Variants in DYM observed in about 807,000 individuals in gnomAD.
The protein encoded by DYM is dymeclin, also known as dyggve-Melchior-Clausen syndrome protein.
In DYM, 78 loss-of-function variants were observed where a neutral mutation model predicts 93.1. That is an observed-to-expected ratio of 0.84 (90% confidence interval 0.70 to 1.01). The LOEUF is 1.01. Ranked by LOEUF, DYM falls within the 50% of genes least tolerant of loss-of-function variation. DYM has a pLI of 0.00. For missense variants in DYM, 789 were observed against 845.0 expected (o/e 0.93, Z 0.82); for synonymous variants, 321 against 319.7 (o/e 1.00, Z -0.04).
chr18:49,113,446 C>T (rs998614474), intron 16 of DYM, among the ~76,000 whole-genome samples: 1 of 152,202 alleles, frequency 6.6e-6, no homozygotes, highest in Non-Finnish European at 1.5e-5. Context: ...AAAATGTAGG[C>T]ACTTGAAAAA....
At chr18:49,424,318 G>T (rs2074040489) in intron 2 of DYM, among the ~76,000 whole-genome samples, 1 of 152,072 alleles carries the variant, frequency 6.6e-6, no homozygotes, top group Non-Finnish European at 1.5e-5. Flanking sequence ...CTCAATAGAT[G>T]CAGAAAAGGC....
chr18:49,274,545 T>C (rs1417329951), intron 10 of DYM, among the ~76,000 whole-genome samples: 1 of 152,176 alleles, frequency 6.6e-6, no homozygotes, highest in South Asian at 2.1e-4. Context: ...AACTGTTTCA[T>C]TGTTTCAGGA....
intron 16 of DYM, among the ~76,000 whole-genome samples, chr18:49,105,322 C>T (rs1391560990): frequency 6.6e-6 from 1 of 152,074 alleles, no homozygotes; most frequent in Non-Finnish European, 1.5e-5. Context: ...GTCTTGCTAG[C>T]AGTCTATCAA....
At chr18:49,219,104 A>G (rs1431366253) in intron 13 of DYM, among the ~76,000 whole-genome samples, 2 of 152,210 alleles carry the variant, frequency 1.3e-5, no homozygotes, top group Non-Finnish European at 1.5e-5. Flanking sequence ...AATACAAACT[A>G]CCATCAGAGA....
chr18:49,228,069 C>A (rs16950452), intron 13 of DYM, among the ~76,000 whole-genome samples: 1,619 of 152,266 alleles, frequency 0.011, 47 homozygotes, highest in South Asian at 0.075. Context: ...TTGTCTATCT[C>A]CCCTCTCAAT....
intron 2 of DYM, among the ~76,000 whole-genome samples, chr18:49,399,316 G>A (rs749312210): frequency 6.6e-6 from 1 of 152,216 alleles, no homozygotes; most frequent in African/African-American, 2.4e-5. Flanking sequence ...AAAGAGAATA[G>A]TGCATGCAGA....
chr18:49,365,387 G>C (rs2066427677), intron 5 of DYM, among the ~76,000 whole-genome samples: 1 of 151,902 alleles, frequency 6.6e-6, no homozygotes, highest in Middle Eastern at 3.2e-3. Flanking sequence ...CTCACTCCAA[G>C]AAACATCGGG....
In DYM at chr18:49,321,235, C is replaced by T. The variant is rs1490648511; in HGVS notation, c.763+10629G>A. On this transcript the variant is annotated intron_variant, in intron 8 of 17. Transcript: ENST00000675505. Reference sequence around the variant, plus strand: ...TAAATCATTAGCACCAAATAAATGGCACTTGTAGCAAGTCTCAGAAACTTA... The same window carrying T: ...TAAATCATTAGCACCAAATAAATGGTACTTGTAGCAAGTCTCAGAAACTTA... The T allele has an allele frequency of 7.6e-6, 3 of 395,682 alleles. No individual in the cohort carries two copies. In the Admixed American group the frequency reaches 1.3e-4, roughly 17 times the overall value. The allele number at this position is 395,682 out of a possible 1,614,324, so 24.5% of individuals were successfully genotyped here.
intron 2 of DYM, among the ~76,000 whole-genome samples, chr18:49,415,961 C>A (rs1441395342): frequency 6.0e-5 from 9 of 149,640 alleles, no homozygotes; most frequent in Non-Finnish European, 1.2e-4. Flanking sequence ...TGCTTATACA[C>A]AAAGATGACT....
rs148337437 is a variant in DYM, at chr18:49,189,554, G to A, written c.1625+19997C>T. On this transcript the variant is annotated intron_variant, in intron 14 of 17. Coordinates refer to ENST00000675505, the MANE Select transcript of DYM (RefSeq NM_001353214.3). ...AGAAATGACCAAATAACAAGCATGT[G>A]GGCAAAAAAGTAACAGAAAAATAAA... Among the ~76,000 whole-genome samples, 15 of 152,152 alleles carry A rather than the reference G, an allele frequency of 9.9e-5. No homozygotes were observed. The East Asian group carries it at 2.9e-3, about 29-fold the overall frequency.
At chr18:49,397,112 G>A (rs1051662784) in intron 2 of DYM, among the ~76,000 whole-genome samples, 5 of 152,136 alleles carry the variant, frequency 3.3e-5, no homozygotes, top group East Asian at 3.8e-4. Context: ...TATGCTAATT[G>A]CCCTGATTTA....
At chr18:49,146,597 T>A (rs2085171671) in intron 15 of DYM, among the ~76,000 whole-genome samples, 1 of 152,210 alleles carries the variant, frequency 6.6e-6, no homozygotes. Flanking sequence ...CATTCACAAT[T>A]GCTTCAAAGA....
intron 10 of DYM, among the ~76,000 whole-genome samples, chr18:49,280,861 C>A (rs1343300218): frequency 6.6e-6 from 1 of 152,106 alleles, no homozygotes; most frequent in Non-Finnish European, 1.5e-5. Flanking sequence ...AGAAGAAAAC[C>A]TAGGCAATAC....
chr18:49,214,176 T>A (rs2092923434), intron 13 of DYM, among the ~76,000 whole-genome samples: 2 of 152,340 alleles, frequency 1.3e-5, no homozygotes, highest in South Asian at 4.1e-4. Context: ...TTCTGAAGCC[T>A]GTTAGGAACT....
chr18:49,239,707 C>T (rs1216445651), intron 13 of DYM, among the ~76,000 whole-genome samples: 1 of 152,220 alleles, frequency 6.6e-6, no homozygotes, highest in Non-Finnish European at 1.5e-5. Context: ...GCATCAACTG[C>T]CAGCCTTGAG....
At chr18:49,200,359 A>T (rs992729858) in intron 14 of DYM, among the ~76,000 whole-genome samples, 1 of 152,040 alleles carries the variant, frequency 6.6e-6, no homozygotes, top group African/African-American at 2.4e-5. Context: ...GGACACATAC[A>T]TAATTTTTAT....
chr18:49,131,075 A>G (rs1019143097), intron 15 of DYM, among the ~76,000 whole-genome samples: 107 of 152,370 alleles, frequency 7.0e-4, no homozygotes, highest in Non-Finnish European at 9.3e-4. Flanking sequence ...TGCGTAGCAG[A>G]TAAAGAGTGT....
At position 49,189,905 on chromosome 18, in the gene DYM, T is replaced by A. The variant is rs1055492685; in HGVS notation, c.1625+19646A>T. 3.3e-5 allele frequency among the ~76,000 whole-genome samples: 5 copies of A among 152,232 alleles called. No homozygotes were observed. The South Asian group carries it at 1.0e-3, about 32-fold the overall frequency. ...TCTGCATACCTCTTGCATTTGCTGCTTAGTGCCAGGCACCAAAATTAAATG... is the reference window on the plus strand; with the variant it reads ...TCTGCATACCTCTTGCATTTGCTGCATAGTGCCAGGCACCAAAATTAAATG... On this transcript the variant is annotated intron_variant, in intron 14 of 17. Transcript: ENST00000675505.
chr18:49,257,125 T>C (rs2094406595), intron 12 of DYM, 21 bp from the exon 13 acceptor site: 2 of 1,566,680 alleles, frequency 1.3e-6, no homozygotes, highest in Non-Finnish European at 8.8e-7. Flanking sequence ...ACAGCGGGTG[T>C]AAAACATACA....
Sources: gnomAD v4.1 joint callset for allele counts (sites outside exome capture counted in the v4.1 genomes callset) on GRCh38, gnomAD v4.1.1 for gene constraint, MANE v1.5 for transcripts, NCBI Gene and HGNC (gene_info 2026-07-23, HGNC 2026-07-21) for gene names.